Variants in SOD2 observed in about 807,000 individuals in gnomAD.
SOD2 encodes superoxide dismutase [Mn], mitochondrial.
Under a neutral mutation model 27.0 loss-of-function variants are expected in SOD2, and 11 were observed. The ratio of observed to expected loss-of-function variants is 0.41; its 90% CI spans 0.26 to 0.67. The LOEUF is 0.67. SOD2 is among the 30% of genes least tolerant of loss of function. The pLI is 0.34. For synonymous variants in SOD2, 105 were observed against 103.0 expected, an observed-to-expected ratio of 1.02 and a Z score of -0.12; for missense variants, 250 against 274.5, an observed-to-expected ratio of 0.91 and a Z score of 0.63.
At position 159,712,150 on chromosome 6, in the gene SOD2, A is replaced by AC. The variant is rs754334455; in HGVS notation, c.-116+14978_-116+14979insG. On this transcript the variant is annotated intron_variant, in intron 1 of 2. Coordinates refer to the SOD2 transcript ENST00000401980. ...ATAACCACCTCCATAACCACCACTC[A>AC]GCTGCTCTGACCACCATAACCACCT... 1.7e-3 allele frequency among the ~76,000 whole-genome samples: 59 copies of AC among 34,048 alleles called. 3 individuals are homozygous for AC. Among genetic ancestry groups the AC allele is most frequent in the South Asian group, 7.2e-3 (3 of 416 alleles). 22.3% of individuals were successfully genotyped at this position (34,048 alleles called of 152,430 possible). A position where few individuals can be genotyped will look rare whatever the true frequency, so the allele number is the denominator to read the frequency against.
chr6:159,755,760 C>CTTTTTTTTTTTTTTTTTTTTTTTTTTTTT (rs1779984995), intron 1 of SOD2: 3 of 283,704 alleles, frequency 1.1e-5, no homozygotes, highest in African/African-American at 1.0e-4. Context: ...TTTTTTTTTT[C>CTTTTTTTTTTTTTTTTTTTTTTTTTTTTT]TTTTCTTTTT....
rs188159180 is a variant in SOD2 at position 159,683,346 on chromosome 6, G to A, written c.524-708C>T. ...TAAAAATACAAAAAATTAGCCTGGC[G>A]AGGTGGCAGGCGCCTGTAATCCCAG... On this transcript the variant is annotated intron_variant, in intron 4 of 4. Coordinates refer to ENST00000538183, the MANE Select transcript of SOD2 (RefSeq NM_000636.4). 5.9e-5 allele frequency among the ~76,000 whole-genome samples: 9 copies of A among 152,164 alleles called. No homozygotes were observed. The East Asian group carries it at 1.7e-3, about 29-fold the overall frequency.
chr6:159,741,908 C>A, intron 1 of SOD2: 1 of 493,290 alleles, frequency 2.0e-6, no homozygotes, highest in Non-Finnish European at 3.6e-6. Flanking sequence ...CCTGTTTGCG[C>A]CACGCTGCAC....
At chr6:159,710,246 A>C (rs1459564248) in intron 1 of SOD2, among the ~76,000 whole-genome samples, 1 of 146,148 alleles carries the variant, frequency 6.8e-6, no homozygotes, top group Non-Finnish European at 1.5e-5. Flanking sequence ...GTGCACATGT[A>C]CCCTAGAACT....
upstream of SOD2, chr6:159,727,537 C>T (rs1009953556): frequency 2.0e-6 from 2 of 991,630 alleles, no homozygotes; most frequent in Non-Finnish European, 2.4e-6. Flanking sequence ...GCAGCGAGAC[C>T]CACAAATAAA....
chr6:159,732,736 A>C (rs569882253), intron 1 of SOD2, among the ~76,000 whole-genome samples: 1 of 152,224 alleles, frequency 6.6e-6, no homozygotes, highest in African/African-American at 2.4e-5. Flanking sequence ...AGGCAGGAGA[A>C]TCGCTTGAAT....
At chr6:159,758,664 G>A (rs1344483388) in intron 1 of SOD2, among the ~76,000 whole-genome samples, 1 of 152,146 alleles carries the variant, frequency 6.6e-6, no homozygotes, top group Non-Finnish European at 1.5e-5. Flanking sequence ...ACCCATCATG[G>A]GGTGGCTGTG....
intron 1 of SOD2, among the ~76,000 whole-genome samples, chr6:159,744,109 T>C (rs1288093128): frequency 1.3e-5 from 2 of 152,208 alleles, no homozygotes; most frequent in African/African-American, 2.4e-5. Context: ...ATTTGCTCTT[T>C]ATTGCTTTAC....
At chr6:159,719,436 G>A (rs1332913399) in intron 1 of SOD2, among the ~76,000 whole-genome samples, 1 of 151,992 alleles carries the variant, frequency 6.6e-6, no homozygotes, top group Non-Finnish European at 1.5e-5. Context: ...GCTGAGGTGG[G>A]AAAATCGCTT....
At chr6:159,732,850 TTCTCTCTCTC>T (rs146820451) in intron 1 of SOD2, among the ~76,000 whole-genome samples, 54 of 147,740 alleles carry the variant, frequency 3.7e-4, no homozygotes, top group African/African-American at 1.3e-3. Context: ...GTCTGCTTCT[TTCTCTCTCTC>T]TCTCTCTCTC....
chr6:159,749,328 T>G, upstream of SOD2: 1 of 985,818 alleles, frequency 1.0e-6, no homozygotes, highest in Non-Finnish European at 1.2e-6. Context: ...TAAAAGAGCT[T>G]TGTCGTTGGT....
At chr6:159,716,450 A>G (rs1777922624) in intron 1 of SOD2, among the ~76,000 whole-genome samples, 1 of 152,216 alleles carries the variant, frequency 6.6e-6, no homozygotes, top group Non-Finnish European at 1.5e-5. Context: ...ACAACAAGGA[A>G]GGGAGGGGGA....
intron 1 of SOD2, among the ~76,000 whole-genome samples, chr6:159,722,590 C>T (rs992619106): frequency 4.6e-5 from 7 of 152,058 alleles, no homozygotes; most frequent in South Asian, 2.1e-4. Flanking sequence ...TTCTTTTTGA[C>T]GCTAAAATTG....
intron 1 of SOD2, among the ~76,000 whole-genome samples, chr6:159,744,470 A>C (rs1562461898): frequency 6.6e-6 from 1 of 152,166 alleles, no homozygotes; most frequent in Non-Finnish European, 1.5e-5. Context: ...GTGTTATTAA[A>C]GTCTTCTAAG....
At chr6:159,751,326 A>T (rs182789903) in intron 1 of SOD2, among the ~76,000 whole-genome samples, 1 of 152,250 alleles carries the variant, frequency 6.6e-6, no homozygotes, top group Non-Finnish European at 1.5e-5. Flanking sequence ...GTCAGGTCAC[A>T]GATTAATGTA....
chr6:159,696,581 A>G (rs1777425066), upstream of SOD2, among the ~76,000 whole-genome samples: 1 of 152,062 alleles, frequency 6.6e-6, no homozygotes, highest in Non-Finnish European at 1.5e-5. Flanking sequence ...CAGCCTCCCA[A>G]AGTGCTGGGA....
intron 1 of SOD2, among the ~76,000 whole-genome samples, chr6:159,724,798 G>A (rs1222823229): frequency 2.0e-5 from 3 of 150,984 alleles, no homozygotes; most frequent in Non-Finnish European, 4.4e-5. Flanking sequence ...GCTGTAGTGA[G>A]CCATGATCGT....
In SOD2 at chr6:159,692,916, C is replaced by T; in HGVS notation, c.24-53G>A. 7 of 1,466,058 alleles carry T rather than the reference C, an allele frequency of 4.8e-6. No homozygotes were observed. In the South Asian group the frequency reaches 6.6e-5, roughly 14 times the overall value. 90.8% of individuals were successfully genotyped at this position (1,466,058 alleles called of 1,614,324 possible). On this transcript the variant is annotated intron_variant, in intron 1 of 4. Coordinates refer to ENST00000538183, the MANE Select transcript of SOD2 (RefSeq NM_000636.4). ...AGTCAGCGCCGCGGGACCGTCTACG[C>T]AGGCTGGGCTGCCGAGGAACGGCAG...
chr6:159,711,620 AGCTGCTCTGAC>A (rs1562437380), intron 1 of SOD2, among the ~76,000 whole-genome samples: 6 of 92,476 alleles, frequency 6.5e-5, no homozygotes, highest in Non-Finnish European at 1.2e-4. Context: ...ACCACCACTC[AGCTGCTCTGAC>A]CACCATAACC....
Sources: allele counts gnomAD v4.1 joint callset (sites outside exome capture counted in the v4.1 genomes callset), GRCh38; gene constraint gnomAD v4.1.1; transcripts MANE v1.5; gene names NCBI Gene and HGNC (gene_info 2026-07-23, HGNC 2026-07-21).